The following CD6 variants were observed in gnomAD, a reference collection of about 807,000 sequenced individuals.
The protein encoded by CD6 is CD6 molecule.
CD6 carries 53 observed loss-of-function variants against 75.3 expected under a neutral mutation model. The ratio of observed to expected loss-of-function variants is 0.70; its 90% CI spans 0.56 to 0.88. The LOEUF is 0.88. Ranked by LOEUF, CD6 falls within the 40% of genes least tolerant of loss-of-function variation. The pLI is 0.00. For synonymous variants in CD6, 359 were observed against 381.5 expected (o/e 0.94, Z 0.69); for missense variants, 770 against 897.1 (o/e 0.86, Z 1.81).
At chr11:60,974,448 C>T (rs766976628) in intron 1 of CD6, among the ~76,000 whole-genome samples, 1 of 152,164 alleles carries the variant, frequency 6.6e-6, no homozygotes, top group Non-Finnish European at 1.5e-5. Flanking sequence ...GGTTTCGCCA[C>T]GTTGGCCAGG....
intron 11 of CD6, 41 bp downstream of exon 11, chr11:61,018,054 C>T: frequency 6.3e-7 from 1 of 1,598,438 alleles, no homozygotes; most frequent in Non-Finnish European, 8.5e-7. Context: ...CATAGCCAGC[C>T]TGGCTGGAGG....
At chr11:60,993,959 A>G (rs1858168116) in intron 1 of CD6, among the ~76,000 whole-genome samples, 1 of 152,104 alleles carries the variant, frequency 6.6e-6, no homozygotes, top group Non-Finnish European at 1.5e-5. Flanking sequence ...ACGTACCTCA[A>G]AGCCTGTTAA....
At chr11:60,993,656 T>A (rs150437761) in intron 1 of CD6, among the ~76,000 whole-genome samples, 106 of 152,312 alleles carry the variant, frequency 7.0e-4, no homozygotes, top group African/African-American at 2.2e-3. Flanking sequence ...TTTAGATCAC[T>A]GTTCTATCTG....
chr11:60,996,580 A>G (rs1858306185), intron 1 of CD6, among the ~76,000 whole-genome samples: 1 of 152,220 alleles, frequency 6.6e-6, no homozygotes, highest in African/African-American at 2.4e-5. Flanking sequence ...AGCATTTGTC[A>G]TCACTGCTCG....
chr11:61,014,377 C>T (rs756828574), intron 8 of CD6, among the ~76,000 whole-genome samples: 28 of 152,144 alleles, frequency 1.8e-4, no homozygotes, highest in Non-Finnish European at 4.0e-4. Flanking sequence ...ATTGGCCTTG[C>T]GAAGCCCCAT....
At chr11:61,015,010 C>G (rs1859336000) in intron 8 of CD6, among the ~76,000 whole-genome samples, 1 of 152,182 alleles carries the variant, frequency 6.6e-6, no homozygotes. Flanking sequence ...ATAGCACAGT[C>G]TAGAGGTTTA....
chr11:61,015,036 C>T (rs1004148629), intron 8 of CD6, among the ~76,000 whole-genome samples: 3 of 152,194 alleles, frequency 2.0e-5, no homozygotes, highest in Non-Finnish European at 4.4e-5. Context: ...AGACTGCCGG[C>T]TCTGGGCCAG....
intron 1 of CD6, among the ~76,000 whole-genome samples, chr11:60,982,213 G>T (rs1422348475): frequency 7.2e-6 from 1 of 139,378 alleles, no homozygotes; most frequent in African/African-American, 2.5e-5. Context: ...CTTCTTGGGG[G>T]TCCCATCTGA....
intron 1 of CD6, among the ~76,000 whole-genome samples, chr11:60,984,087 T>G (rs79224277): frequency 0.026 from 3,906 of 152,132 alleles, 149 homozygotes; most frequent in African/African-American, 0.087. Context: ...AGGTGTTGTC[T>G]GCTAGATTTC....
At chr11:60,976,730 C>T (rs925889038) in intron 1 of CD6, among the ~76,000 whole-genome samples, 4 of 152,168 alleles carry the variant, frequency 2.6e-5, no homozygotes, top group Admixed American at 6.5e-5. Context: ...GATGGATGCG[C>T]TTGTGCCCTT....
At chr11:61,012,267 C>T (rs1033214010) in intron 6 of CD6, among the ~76,000 whole-genome samples, 7 of 152,212 alleles carry the variant, frequency 4.6e-5, no homozygotes, top group South Asian at 2.1e-4. Flanking sequence ...TGGGGATCCA[C>T]GCCATCCTGG....
chr11:60,998,970 C>T (rs897822477), intron 1 of CD6, among the ~76,000 whole-genome samples: 6 of 151,976 alleles, frequency 3.9e-5, no homozygotes, highest in Non-Finnish European at 7.4e-5. Flanking sequence ...ACCAGCCTGG[C>T]CAACATCGTG....
intron 1 of CD6, among the ~76,000 whole-genome samples, chr11:60,972,511 C>A (rs1201434351): frequency 6.6e-6 from 1 of 152,190 alleles, no homozygotes; most frequent in Non-Finnish European, 1.5e-5. Flanking sequence ...GGCACCTGGC[C>A]ACCTGGGCCA....
At chr11:61,008,415 C>G in intron 3 of CD6, 119 bp from the exon 4 acceptor site, 2 of 975,258 alleles carry the variant, frequency 2.1e-6, no homozygotes, top group Non-Finnish European at 1.5e-6. Context: ...GCCTACCGGG[C>G]TACAGCCCTC....
In CD6 at chr11:61,019,811, C is replaced by G. The variant is rs1291711354; in HGVS notation, c.*493C>G. The G allele has an allele frequency of 1.1e-5, 2 of 190,328 alleles. No individual in the cohort carries two copies. The highest frequency in any genetic ancestry group is 2.6e-4 in the East Asian group (2 of 7,810). The allele number at this position is 190,328 out of a possible 1,614,324, so 11.8% of individuals were successfully genotyped here. A position where few individuals can be genotyped will look rare whatever the true frequency, so the allele number is the denominator to read the frequency against. On this transcript the variant is annotated 3_prime_UTR_variant, in exon 13 of 13. Coordinates refer to ENST00000313421, the MANE Select transcript of CD6 (RefSeq NM_006725.5). ...ACTAGGGTCTGCTGAGCTGTTGTCACTGATCGGTGGGCGCTGGGGGGGTAG... is the reference window on the plus strand; with the variant it reads ...ACTAGGGTCTGCTGAGCTGTTGTCAGTGATCGGTGGGCGCTGGGGGGGTAG...
rs771235467 is a variant in CD6 at position 61,007,708 on chromosome 11, C to G, written c.267C>G (p.Gly89=). The change falls in exon 3 of 13, where the codon GGC becomes GGG. Residue 89 remains glycine, a synonymous_variant. Transcript: ENST00000313421. The surrounding 1 kb of genome is among the most constrained non-coding windows in gnomAD (Gnocchi z 4.2). ...CCGTGTGCCGAGCACTGGGCTGCGG[C>G]GGGGCGGAGGCCGCCTCTCAGCTCG... The part of the protein sequence containing the change: ...AEAVCRALGC[G]GAEAASQLAP... 24 of 1,391,950 alleles carry G rather than the reference C, an allele frequency of 1.7e-5. No homozygotes were observed. The highest frequency in any genetic ancestry group is 2.0e-5 in the Non-Finnish European group (22 of 1,073,662). The allele number at this position is 1,391,950 out of a possible 1,614,324, so 86.2% of individuals were successfully genotyped here.
intron 1 of CD6, among the ~76,000 whole-genome samples, chr11:60,990,590 C>T (rs748627572): frequency 3.9e-5 from 6 of 151,938 alleles, no homozygotes; most frequent in East Asian, 1.9e-4. Flanking sequence ...ACACTTTTGC[C>T]GTATTTGCTC....
chr11:61,016,743 C>T (rs1344538733), intron 9 of CD6, among the ~76,000 whole-genome samples: 1 of 152,170 alleles, frequency 6.6e-6, no homozygotes, highest in Non-Finnish European at 1.5e-5. Flanking sequence ...CTGTCCTGGG[C>T]AGCTGTGTCC....
intron 1 of CD6, among the ~76,000 whole-genome samples, chr11:60,992,381 G>A (rs948122150): frequency 8.6e-4 from 131 of 151,866 alleles, no homozygotes; most frequent in African/African-American, 3.0e-3. Context: ...AGGGGGGCAT[G>A]TGAAGAGATT....
Sources: gnomAD v4.1 joint callset for allele counts (sites outside exome capture counted in the v4.1 genomes callset) on GRCh38, gnomAD v4.1.1 for gene constraint, Gnocchi (gnomAD v3.1) non-coding constraint, MANE v1.5 for transcripts, NCBI Gene and HGNC (gene_info 2026-07-23, HGNC 2026-07-21) for gene names.